SGCZ: variants seen among roughly 807,000 people sequenced by gnomAD.
The protein encoded by SGCZ is zeta-sarcoglycan.
In SGCZ, 40 loss-of-function variants were observed where a neutral mutation model predicts 41.3. The observed-to-expected ratio is 0.97, with a 90% CI of 0.75 to 1.26. The LOEUF is 1.26. Ranked by LOEUF, SGCZ falls within the 50% of genes most tolerant of loss-of-function variation. The probability of loss-of-function intolerance (pLI) is 0.00; values close to 1 mark genes in which losing one functional copy is unlikely to be tolerated. For missense variants in SGCZ, 552 were observed against 369.8 expected (o/e 1.49, Z -4.04); for synonymous variants, 206 against 137.5 (o/e 1.50, Z -3.49).
intron 1 of SGCZ, among the ~76,000 whole-genome samples, chr8:14,989,976 C>G (rs939432730): frequency 6.6e-6 from 1 of 152,120 alleles, no homozygotes; most frequent in Non-Finnish European, 1.5e-5. Flanking sequence ...CCGGGAGGTA[C>G]GCATGACTGA....
intron 1 of SGCZ, among the ~76,000 whole-genome samples, chr8:14,884,784 C>A (rs1454848574): frequency 2.0e-5 from 3 of 152,058 alleles, no homozygotes; most frequent in African/African-American, 4.8e-5. Context: ...ATCAACATCA[C>A]AATTTATCTA....
Position 15,163,453 on chromosome 8 carries a change from G to A in SGCZ, c.39+74132C>T, listed in dbSNP as rs180973534. The stretch of plus-strand genomic sequence containing the variant: ...TGAAAGGCCAGAAGATATGAATACT[G>A]GAAACGACTTCACTCATTTCCCTTC... On this transcript the variant is annotated intron_variant, in intron 1 of 7. Transcript: ENST00000382080. Among the ~76,000 whole-genome samples the A allele has an allele frequency of 1.0e-3, 153 of 152,184 alleles. 1 individual carries two copies. The highest frequency in any genetic ancestry group is 3.3e-3 in the African/African-American group (139 of 41,518).
At chr8:14,254,213 A>G (rs929448178) in intron 3 of SGCZ, among the ~76,000 whole-genome samples, 1 of 152,178 alleles carries the variant, frequency 6.6e-6, no homozygotes, top group Non-Finnish European at 1.5e-5. Context: ...ACCGGCAGTT[A>G]AGGCAGAATA....
chr8:14,179,339 T>A (rs1024596988), intron 4 of SGCZ, among the ~76,000 whole-genome samples: 1 of 152,180 alleles, frequency 6.6e-6, no homozygotes, highest in East Asian at 1.9e-4. Context: ...CTGGAAAGCA[T>A]CCACACTGTG....
chr8:14,678,386 G>T (rs1033887633), intron 1 of SGCZ, among the ~76,000 whole-genome samples: 1 of 152,094 alleles, frequency 6.6e-6, no homozygotes, highest in Non-Finnish European at 1.5e-5. Context: ...CACCTTAATA[G>T]ACACTTCACC....
At chr8:14,494,996 T>G (rs191675154) in intron 2 of SGCZ, among the ~76,000 whole-genome samples, 1 of 152,326 alleles carries the variant, frequency 6.6e-6, no homozygotes, top group Admixed American at 6.5e-5. Context: ...TAACGTAACC[T>G]TATATCCATG....
chr8:14,663,108 C>G (rs1318855074), intron 1 of SGCZ, among the ~76,000 whole-genome samples: 1 of 152,120 alleles, frequency 6.6e-6, no homozygotes, highest in South Asian at 2.1e-4. Flanking sequence ...AAAACTATAA[C>G]ATTGGTGTCT....
At chr8:14,414,413 G>C (rs552374611) in intron 2 of SGCZ, among the ~76,000 whole-genome samples, 1 of 151,890 alleles carries the variant, frequency 6.6e-6, no homozygotes, top group East Asian at 1.9e-4. Context: ...AAAATTCCTA[G>C]GTCCCCACCC....
intron 2 of SGCZ, among the ~76,000 whole-genome samples, chr8:14,464,001 T>C (rs1800977011): frequency 6.6e-6 from 1 of 151,626 alleles, no homozygotes; most frequent in Non-Finnish European, 1.5e-5. Flanking sequence ...CTTTTTAATA[T>C]ACTTTTTAAT....
intron 1 of SGCZ, among the ~76,000 whole-genome samples, chr8:15,039,131 T>C (rs948597227): frequency 2.6e-5 from 4 of 152,120 alleles, no homozygotes; most frequent in Non-Finnish European, 4.4e-5. Flanking sequence ...TACCGGTATA[T>C]AGCCAAAGGA....
chr8:14,384,577 T>G (rs1459220629), intron 2 of SGCZ, among the ~76,000 whole-genome samples: 1 of 152,212 alleles, frequency 6.6e-6, no homozygotes, highest in African/African-American at 2.4e-5. Context: ...ATTTATTTCT[T>G]GAGACAAAGT....
At chr8:14,830,164 A>G (rs569775561) in intron 1 of SGCZ, among the ~76,000 whole-genome samples, 24 of 152,322 alleles carry the variant, frequency 1.6e-4, no homozygotes, top group South Asian at 6.2e-4. Context: ...AAATTGAATT[A>G]AAAATATGGA....
intron 2 of SGCZ, among the ~76,000 whole-genome samples, chr8:14,497,614 C>T (rs7815009): frequency 0.52 from 79,195 of 151,348 alleles, 20,786 homozygotes; most frequent in East Asian, 0.66. Context: ...GAGAGCTCAT[C>T]AGCTATTGTT....
intron 3 of SGCZ, among the ~76,000 whole-genome samples, chr8:14,265,763 C>A (rs1227001843): frequency 2.7e-5 from 4 of 149,340 alleles, no homozygotes; most frequent in East Asian, 2.0e-4. Context: ...AAAAAAAAAA[C>A]TTAACAGAGA....
At chr8:14,940,253 A>T (rs150562666) in intron 1 of SGCZ, among the ~76,000 whole-genome samples, 12 of 152,310 alleles carry the variant, frequency 7.9e-5, no homozygotes, top group Non-Finnish European at 1.8e-4. Context: ...TAACATGCCC[A>T]CATTTAACTA....
intron 2 of SGCZ, among the ~76,000 whole-genome samples, chr8:14,376,022 T>C (rs1012427230): frequency 1.3e-5 from 2 of 152,062 alleles, no homozygotes; most frequent in Admixed American, 6.6e-5. Flanking sequence ...AACGTAAAAC[T>C]ACAATGGAAA....
chr8:14,164,502 T>A (rs1804145564), intron 5 of SGCZ, 78 bp downstream of exon 5: 1 of 1,549,694 alleles, frequency 6.5e-7, no homozygotes, highest in African/African-American at 1.4e-5. Context: ...GAATCATCCA[T>A]CTTATTAAGA....
intron 1 of SGCZ, among the ~76,000 whole-genome samples, chr8:15,068,634 A>G (rs1392943266): frequency 6.6e-6 from 1 of 152,224 alleles, no homozygotes; most frequent in African/African-American, 2.4e-5. Context: ...CTTACACATA[A>G]CACATCCTTG....
At chr8:15,154,505 C>A (rs192061052) in intron 1 of SGCZ, among the ~76,000 whole-genome samples, 218 of 152,224 alleles carry the variant, frequency 1.4e-3, no homozygotes, top group African/African-American at 4.6e-3. Flanking sequence ...AGAGATGGAC[C>A]CCAGTACAGA....
Sources: gnomAD v4.1 joint callset for allele counts (sites outside exome capture counted in the v4.1 genomes callset) on GRCh38, gnomAD v4.1.1 for gene constraint, MANE v1.5 for transcripts, NCBI Gene and HGNC (gene_info 2026-07-23, HGNC 2026-07-21) for gene names.